The following MARCHF1 variants were observed in gnomAD, a reference collection of about 807,000 sequenced individuals.
MARCHF1 encodes E3 ubiquitin-protein ligase MARCHF1.
In MARCHF1, 40 loss-of-function variants were observed where a neutral mutation model predicts 54.2. The observed-to-expected ratio is 0.74, with a 90% confidence interval of 0.57 to 0.96. The LOEUF (loss-of-function observed/expected upper bound fraction) is 0.96. Ranked by LOEUF, MARCHF1 falls within the 40% of genes least tolerant of loss-of-function variation. The pLI is 0.00. For synonymous variants in MARCHF1, 236 were observed against 236.3 expected, an observed-to-expected ratio of 1.00 and a Z score of 0.01; for missense variants, 586 against 656.5, an observed-to-expected ratio of 0.89 and a Z score of 1.17.
At position 164,083,121 on chromosome 4, in the gene MARCHF1, A is replaced by G. The variant is rs1455724964; in HGVS notation, c.-248+28467T>C. Among the ~76,000 whole-genome samples the G allele has an allele frequency of 2.0e-5, 3 of 152,110 alleles. No homozygotes were observed. The East Asian group carries it at 5.8e-4, about 29-fold the overall frequency. ...TCTTAGAGCACATGGCATTTTAGCTACATCCTAAGGAAACAAAAGTAGTTG... is the reference window on the plus strand; with the variant it reads ...TCTTAGAGCACATGGCATTTTAGCTGCATCCTAAGGAAACAAAAGTAGTTG... On this transcript the variant is annotated intron_variant, in intron 2 of 9. Transcript: ENST00000514618.
intron 5 of MARCHF1, among the ~76,000 whole-genome samples, chr4:163,629,750 G>T (rs1490060412): frequency 6.6e-6 from 1 of 152,172 alleles, no homozygotes; most frequent in East Asian, 1.9e-4. Flanking sequence ...ATTGATGAGT[G>T]CAGGAAACCA....
At chr4:164,259,544 C>CAAAAAAAAA (rs141030578) in intron 1 of MARCHF1, among the ~76,000 whole-genome samples, 14 of 58,886 alleles carry the variant, frequency 2.4e-4, no homozygotes, top group African/African-American at 2.7e-4. Context: ...GACCGTGTCT[C>CAAAAAAAAA]AAAAAAAAAA....
chr4:164,000,514 G>A (rs181977260), intron 2 of MARCHF1, among the ~76,000 whole-genome samples: 1 of 151,760 alleles, frequency 6.6e-6, no homozygotes, highest in African/African-American at 2.4e-5. Flanking sequence ...AAGCACAAGA[G>A]AGAGAGACTG....
At chr4:164,308,983 GAGAA>G (rs1734771207) in intron 1 of MARCHF1, among the ~76,000 whole-genome samples, 1 of 150,300 alleles carries the variant, frequency 6.7e-6, no homozygotes, top group African/African-American at 2.4e-5. Context: ...AAAAAAGAAA[GAGAA>G]AGGAGGATAT....
chr4:163,706,086 A>T (rs1579212037), intron 4 of MARCHF1, among the ~76,000 whole-genome samples: 1 of 152,074 alleles, frequency 6.6e-6, no homozygotes, highest in South Asian at 2.1e-4. Flanking sequence ...CAGTGGCATT[A>T]TATCTCCCAG....
intron 8 of MARCHF1, among the ~76,000 whole-genome samples, chr4:163,548,652 A>T (rs10034631): frequency 0.026 from 4,029 of 152,306 alleles, 177 homozygotes; most frequent in African/African-American, 0.092. Flanking sequence ...TAGACAGCAC[A>T]CAAGTAAATG....
intron 9 of MARCHF1, among the ~76,000 whole-genome samples, chr4:163,542,345 C>T (rs1233095093): frequency 8.5e-5 from 13 of 152,146 alleles, no homozygotes; most frequent in African/African-American, 1.9e-4. Context: ...TGTTCAGCAC[C>T]GGGGAGATGT....
At chr4:163,829,830 G>C (rs1285901370) in intron 4 of MARCHF1, among the ~76,000 whole-genome samples, 1 of 152,198 alleles carries the variant, frequency 6.6e-6, no homozygotes, top group African/African-American at 2.4e-5. Context: ...CAAACAATTG[G>C]ACGGCAGGCC....
chr4:163,572,657 G>T (rs1189051800), intron 8 of MARCHF1, among the ~76,000 whole-genome samples: 1 of 152,048 alleles, frequency 6.6e-6, no homozygotes, highest in Non-Finnish European at 1.5e-5. Flanking sequence ...AAGTCCTCGG[G>T]AGGGAATTCC....
At chr4:163,988,423 C>T (rs1222710359) in intron 3 of MARCHF1, 78 bp downstream of exon 3, 1 of 152,278 alleles carries the variant, frequency 6.6e-6, no homozygotes, top group Non-Finnish European at 1.5e-5. Flanking sequence ...AAGCCCTTGC[C>T]ATGTCCCACG....
At chr4:164,317,259 G>A (rs114212340) in intron 1 of MARCHF1, among the ~76,000 whole-genome samples, 80 of 152,244 alleles carry the variant, frequency 5.3e-4, no homozygotes, top group African/African-American at 1.8e-3. Flanking sequence ...CTTAGAGTAC[G>A]TGTCAGTTAA....
intron 3 of MARCHF1, among the ~76,000 whole-genome samples, chr4:163,917,233 T>C (rs1751329249): frequency 6.6e-6 from 1 of 152,068 alleles, no homozygotes; most frequent in African/African-American, 2.4e-5. Context: ...TGTGCACAGG[T>C]TTTTGTTAGG....
chr4:163,687,488 G>A (rs977025410), intron 5 of MARCHF1, among the ~76,000 whole-genome samples: 2 of 152,090 alleles, frequency 1.3e-5, no homozygotes, highest in Non-Finnish European at 2.9e-5. Flanking sequence ...AAGTACAAAA[G>A]ATCTTTGCTG....
chr4:163,613,924 T>C (rs768479510), intron 5 of MARCHF1, among the ~76,000 whole-genome samples: 1 of 152,140 alleles, frequency 6.6e-6, no homozygotes, highest in Non-Finnish European at 1.5e-5. Context: ...ACTAATAAAA[T>C]ATATCCCTTG....
chr4:164,225,760 T>C (rs1483836968), intron 1 of MARCHF1, among the ~76,000 whole-genome samples: 1 of 152,060 alleles, frequency 6.6e-6, no homozygotes, highest in Non-Finnish European at 1.5e-5. Flanking sequence ...GGTACAACCA[T>C]GTTGAAAAAC....
At chr4:163,781,889 A>C (rs976694183) in intron 4 of MARCHF1, among the ~76,000 whole-genome samples, 1 of 152,242 alleles carries the variant, frequency 6.6e-6, no homozygotes, top group African/African-American at 2.4e-5. Context: ...TACAAAGATA[A>C]CATATTAGTA....
At chr4:163,632,404 C>T (rs187541333) in intron 5 of MARCHF1, among the ~76,000 whole-genome samples, 38 of 152,060 alleles carry the variant, frequency 2.5e-4, no homozygotes, top group East Asian at 1.9e-3. Context: ...GTGCGCCAGC[C>T]GAAGCAGGGC....
At chr4:164,035,132 TTATA>T (rs1235537239) in intron 2 of MARCHF1, among the ~76,000 whole-genome samples, 1 of 152,148 alleles carries the variant, frequency 6.6e-6, no homozygotes, top group Non-Finnish European at 1.5e-5. Flanking sequence ...GAAAATTTAC[TTATA>T]TAATTTTTAT....
At chr4:164,036,123 A>C (rs1279071494) in intron 2 of MARCHF1, among the ~76,000 whole-genome samples, 47 of 121,298 alleles carry the variant, frequency 3.9e-4, no homozygotes, top group African/African-American at 1.9e-3. Context: ...AAAACAAAAA[A>C]CAAAAAACAA....
Sources: allele counts gnomAD v4.1 joint callset (sites outside exome capture counted in the v4.1 genomes callset), GRCh38; gene constraint gnomAD v4.1.1; transcripts MANE v1.5; gene names NCBI Gene and HGNC (gene_info 2026-07-23, HGNC 2026-07-21).